ITPR3: variants seen among roughly 807,000 people sequenced by gnomAD.
ITPR3 encodes the protein inositol 1,4,5-trisphosphate-gated calcium channel ITPR3.
Under a neutral mutation model 293.2 loss-of-function variants are expected in ITPR3, and 173 were observed. That is an observed-to-expected ratio of 0.59 (90% CI 0.52 to 0.67). The LOEUF (loss-of-function observed/expected upper bound fraction) is 0.67, where lower values mean the gene tolerates loss of function less well. ITPR3 is among the 30% of genes least tolerant of loss of function. The pLI is 0.00. For synonymous variants in ITPR3, 1,295 were observed against 1,444.4 expected, an observed-to-expected ratio of 0.90 and a Z score of 2.35; for missense variants, 2,796 against 3,592.1, an observed-to-expected ratio of 0.78 and a Z score of 5.66.
In ITPR3 at chr6:33,673,675, C is replaced by T. The variant is rs1171898242; in HGVS notation, c.3013C>T (p.Gln1005Ter). The change falls in exon 23 of 58, where the codon CAG (glutamine) becomes TAG (stop). Residue 1005 changes from glutamine (Q) to a stop codon, truncating the protein, a stop_gained. Transcript: ENST00000605930. LOFTEE classifies it high-confidence loss of function. ...GGAGTTTGTGGAGGTGTTTCCCATG[C>T]AGGACAGTGGGGCTGATGGCACAGC... ...KKEFVEVFPMQDSGADGTAPA... is the reference protein window; with the variant it reads ...KKEFVEVFPM 1 of 1,614,072 alleles carries T rather than the reference C, an allele frequency of 6.2e-7. No homozygotes were observed. The highest frequency in any genetic ancestry group is 8.5e-7 in the Non-Finnish European group (1 of 1,180,026).
In ITPR3 at chr6:33,676,756, C is replaced by T; in HGVS notation, c.3283-12C>T. 1 of 1,613,822 alleles carries T rather than the reference C, an allele frequency of 6.2e-7. No homozygotes were observed. Among genetic ancestry groups the T allele is most frequent in the South Asian group, 1.1e-5 (1 of 91,058 alleles). On this transcript the variant is annotated splice_polypyrimidine_tract_variant and intron_variant, in intron 25 of 57. Coordinates refer to ENST00000605930, the MANE Select transcript of ITPR3 (RefSeq NM_002224.4). Reference sequence around the variant, plus strand: ...GCCCATCTCACCAGCCAGGCCCATCCTCCACCTTCAGGTTCAGCTGCTGAT... The same window carrying T: ...GCCCATCTCACCAGCCAGGCCCATCTTCCACCTTCAGGTTCAGCTGCTGAT...
In ITPR3 at chr6:33,687,851, T is replaced by TG. The variant is rs1935559785; in HGVS notation, c.6265-204dup. On this transcript the variant is annotated intron_variant, in intron 46 of 57. Transcript: ENST00000605930. This position sits in a 1 kb window ranked among gnomAD's most constrained non-coding sequence, Gnocchi z 5.3. ...GCCCCCGCTATCCTCTGGGATTCTC[T>TG]GGTCATGGCTCTCCCACTCCCCTCC... is the stretch of plus-strand genomic sequence containing the variant. 2.0e-5 allele frequency among the ~76,000 whole-genome samples: 3 copies of TG among 152,256 alleles called. No homozygotes were observed. The highest frequency in any genetic ancestry group is 1.3e-4 in the Admixed American group (2 of 15,288).
intron 1 of ITPR3, among the ~76,000 whole-genome samples, chr6:33,629,868 G>A (rs1217062136): frequency 6.6e-6 from 1 of 151,894 alleles, no homozygotes; most frequent in Non-Finnish European, 1.5e-5. Context: ...TGAGGCAGGC[G>A]GATCACGAGG....
rs1582169859 is a variant in ITPR3, at chr6:33,691,923, A to G, written c.7453A>G (p.Lys2485Glu). Reference sequence around the variant, plus strand: ...GGGCGACATTCTCCGCAAGCCCTCCAAAGATGTGAGCACTCCTGCCCACTC... The same window carrying G: ...GGGCGACATTCTCCGCAAGCCCTCCGAAGATGTGAGCACTCCTGCCCACTC... ...GVGDILRKPSKDESLFPARVV... is the reference protein window; with the variant it reads ...GVGDILRKPSEDESLFPARVV... Residue 2485 changes from lysine to glutamate, a missense_variant, in exon 54 of 58, where the codon AAA becomes GAA. Physicochemically the swap from Lys to Glu is moderately conservative, Grantham distance 56. This residue lies in a region of ITPR3 where 568 missense variants were observed against 796.1 expected (regional missense o/e 0.71). Transcript: ENST00000605930. This position sits in a 1 kb window ranked among gnomAD's most constrained non-coding sequence, Gnocchi z 4.9. The G allele has an allele frequency of 1.2e-6, 2 of 1,614,006 alleles. No individual in the cohort carries two copies. Among genetic ancestry groups the G allele is most frequent in the South Asian group, 1.1e-5 (1 of 91,078 alleles).
intron 1 of ITPR3, among the ~76,000 whole-genome samples, chr6:33,639,971 G>A (rs770303239): frequency 6.6e-6 from 1 of 152,136 alleles, no homozygotes; most frequent in Non-Finnish European, 1.5e-5. Flanking sequence ...GACTCATGCC[G>A]CTAGTTTGGT....
intron 2 of ITPR3, among the ~76,000 whole-genome samples, chr6:33,653,050 G>A (rs1436794577): frequency 6.6e-6 from 1 of 152,062 alleles, no homozygotes; most frequent in African/African-American, 2.4e-5. Flanking sequence ...TGGGACTACA[G>A]GCATGTACCA....
chr6:33,646,603 C>A (rs978654053), intron 2 of ITPR3, among the ~76,000 whole-genome samples: 2 of 151,728 alleles, frequency 1.3e-5, no homozygotes, highest in Non-Finnish European at 1.5e-5. Context: ...CTCAAACTTC[C>A]TCTCTCTCTC....
Position 33,672,852 on chromosome 6 carries a change from T to C in ITPR3, c.2928+624T>C, listed in dbSNP as rs1179756455. On this transcript the variant is annotated intron_variant, in intron 22 of 57. Transcript: ENST00000605930. This position sits in a 1 kb window ranked among gnomAD's most constrained non-coding sequence, Gnocchi z 5.0. ...TTTCTTGGCAAGGTGGATGCAGTCA[T>C]CCCTGTTGTGGTCTCATCTGAGACT... Among the ~76,000 whole-genome samples the C allele has an allele frequency of 6.6e-6, 1 of 152,116 alleles. No individual in the cohort carries two copies. The highest frequency in any genetic ancestry group is 1.5e-5 in the Non-Finnish European group (1 of 68,020).
rs1763736892 is a variant in ITPR3, at chr6:33,633,661, G to A, written c.90-6823G>A. Among the ~76,000 whole-genome samples, 2 of 150,364 alleles carry A rather than the reference G, an allele frequency of 1.3e-5. No homozygotes were observed. Among genetic ancestry groups the A allele is most frequent in the Non-Finnish European group, 3.0e-5 (2 of 67,422 alleles). ...GCGGCCGGCAGTCGGAGGCAGGCCG[G>A]GGCGAGGCCGCGCTGGCCCTCCCTT... On this transcript the variant is annotated intron_variant, in intron 1 of 57. Transcript: ENST00000605930. The surrounding 1 kb of genome is among the most constrained non-coding windows in gnomAD (Gnocchi z 5.2).
rs1764367868 is a variant in ITPR3 at position 33,658,419 on chromosome 6, A to G, written c.370-251A>G. On this transcript the variant is annotated intron_variant, in intron 4 of 57. Transcript: ENST00000605930. This position sits in a 1 kb window ranked among gnomAD's most constrained non-coding sequence, Gnocchi z 6.1. ...CGTTGTAGGTTACTTGAGCTAATCTATGTAAAGTATTTAGAACAGCCTCTT... is the reference window on the plus strand; with the variant it reads ...CGTTGTAGGTTACTTGAGCTAATCTGTGTAAAGTATTTAGAACAGCCTCTT... Among the ~76,000 whole-genome samples, 1 of 152,150 alleles carries G rather than the reference A, an allele frequency of 6.6e-6. No individual in the cohort carries two copies.
chr6:33,672,131 G>C lies in ITPR3; in HGVS notation c.2831G>C (p.Gly944Ala), dbSNP rs1211465539. Residue 944 changes from glycine (G) to alanine (A), a missense_variant, in exon 22 of 58, where the codon GGG (glycine) becomes GCG (alanine). Coordinates refer to ENST00000605930, the MANE Select transcript of ITPR3 (RefSeq NM_002224.4). The surrounding 1 kb of genome is among the most constrained non-coding windows in gnomAD (Gnocchi z 5.0). ...TTCAGTGCCCCCAGCCTGTCTGCTGGGGCCAGTGCTGCTGAGCCGCTGGAC... is the reference window on the plus strand; with the variant it reads ...TTCAGTGCCCCCAGCCTGTCTGCTGCGGCCAGTGCTGCTGAGCCGCTGGAC... The part of the protein sequence containing the change: ...SVFSAPSLSA[G>A]ASAAEPLDRS... 1 of 1,614,042 alleles carries C rather than the reference G, an allele frequency of 6.2e-7. No homozygotes were observed. The highest frequency in any genetic ancestry group is 8.5e-7 in the Non-Finnish European group (1 of 1,180,022).
At position 33,686,493 on chromosome 6, in the gene ITPR3, C is replaced by T. The variant is rs140192992; in HGVS notation, c.5953C>T (p.Arg1985Cys). The change falls in exon 43 of 58, where the codon CGC becomes TGC. Residue 1985 changes from arginine (R) to cysteine (C), a missense_variant. Around this residue, in one of 8 missense-constraint regions of ITPR3, gnomAD observed 704 missense variants for 797.5 expected, o/e 0.88. Transcript: ENST00000605930. ...TGACATCAGCCCCCTGTGCAAGTAC[C>T]GCATGGATCTGGTGCTGCAGCTCAA... ...LNDISPLCKYRMDLVLQLKDN... is the reference protein window; with the variant it reads ...LNDISPLCKYCMDLVLQLKDN... The T allele has an allele frequency of 1.8e-5, 29 of 1,614,012 alleles. No homozygotes were observed. Among genetic ancestry groups the T allele is most frequent in the Admixed American group, 8.3e-5 (5 of 59,998 alleles).
At position 33,663,761 on chromosome 6, in the gene ITPR3, C is replaced by A. The variant is rs200812764; in HGVS notation, c.1029C>A (p.Arg343=). 5.0e-6 allele frequency: 8 copies of A among 1,613,958 alleles called. 1 individual carries two copies. The Admixed American group carries it at 1.2e-4, about 24-fold the overall frequency. The stretch of plus-strand genomic sequence containing the variant: ...AGGGGGCACAGGGCCGCACAGGCCG[C>A]AGGAATGCTGGGGAGAAGATCAAGT... ...AGMGAQGRTG[R]RNAGEKIKYC... Residue 343 remains arginine (R), a synonymous_variant, in exon 11 of 58, where the codon CGC becomes CGA. Transcript: ENST00000605930.
intron 48 of ITPR3, 102 bp from the exon 49 acceptor site, chr6:33,688,554 G>A: frequency 6.5e-7 from 1 of 1,547,574 alleles, no homozygotes; most frequent in Non-Finnish European, 8.7e-7. Context: ...CCAAGGAAGG[G>A]CTCTTCCATG....
intron 13 of ITPR3, among the ~76,000 whole-genome samples, chr6:33,665,498 G>T (rs946967780): frequency 1.9e-4 from 29 of 152,180 alleles, no homozygotes; most frequent in African/African-American, 4.8e-4. Flanking sequence ...CTTGCTCGGG[G>T]TCACAGTTAG....
At position 33,689,328 on chromosome 6, in the gene ITPR3, G is replaced by A. The variant is rs776633313; in HGVS notation, c.6785G>A (p.Arg2262His). Reference sequence around the variant, plus strand: ...CTGTTCACCAAGCGCTACAGCATCCGCCCCCTCATCGTGGCGCTCATCCTG... The same window carrying A: ...CTGTTCACCAAGCGCTACAGCATCCACCCCCTCATCGTGGCGCTCATCCTG... ...AALFTKRYSIRPLIVALILRS... is the reference protein window; with the variant it reads ...AALFTKRYSIHPLIVALILRS... The change falls in exon 50 of 58, where the codon CGC (arginine) becomes CAC (histidine). Residue 2262 changes from arginine (R) to histidine (H), a missense_variant. Coordinates refer to ENST00000605930, the MANE Select transcript of ITPR3 (RefSeq NM_002224.4). 2.7e-5 allele frequency: 43 copies of A among 1,612,530 alleles called. No homozygotes were observed. Among genetic ancestry groups the A allele is most frequent in the African/African-American group, 2.1e-4 (16 of 74,906 alleles).
intron 49 of ITPR3, 108 bp downstream of exon 49, chr6:33,688,889 A>T (rs1053228066): frequency 1.4e-6 from 2 of 1,413,378 alleles, no homozygotes; most frequent in South Asian, 2.4e-5. Flanking sequence ...CCAGATGCAG[A>T]GTGTGCAGAA....
At position 33,653,552 on chromosome 6, in the gene ITPR3, A is replaced by G. The variant is rs887793446; in HGVS notation, c.161-2214A>G. Among the ~76,000 whole-genome samples, 3 of 152,014 alleles carry G rather than the reference A, an allele frequency of 2.0e-5. No individual in the cohort carries two copies. The South Asian group carries it at 6.3e-4, about 32-fold the overall frequency. On this transcript the variant is annotated intron_variant, in intron 2 of 57. Transcript: ENST00000605930. ...AAAGGACAGCTTTCCCTCAGTTTAT[A>G]TTGGAGTTGCATTCCTGGAAAATTC...
At chr6:33,694,547 T>G (rs1055604681) in intron 56 of ITPR3, 14 of 266,430 alleles carry the variant, frequency 5.3e-5, no homozygotes, top group African/African-American at 2.6e-4. Context: ...GGCGTGCTTG[T>G]CAGGCAGGCG....
Sources: gnomAD v4.1 joint callset for allele counts (sites outside exome capture counted in the v4.1 genomes callset) on GRCh38, gnomAD v4.1.1 for gene constraint, gnomAD v4.1.1 regional missense constraint, Gnocchi (gnomAD v3.1) non-coding constraint, MANE v1.5 for transcripts, NCBI Gene and HGNC (gene_info 2026-07-23, HGNC 2026-07-21) for gene names.